The following IFTAP variants were observed in gnomAD, a reference collection of about 807,000 sequenced individuals.
The protein encoded by IFTAP is intraflagellar transport-associated protein.
IFTAP carries 19 observed loss-of-function variants against 19.4 expected under a neutral mutation model. The ratio of observed to expected loss-of-function variants is 0.98; its 90% CI spans 0.68 to 1.44. The LOEUF is 1.44. Among genes scored for constraint, IFTAP ranks in the 40% most tolerant of loss-of-function variants. The probability of loss-of-function intolerance (pLI) is 0.00; values close to 1 mark genes in which losing one functional copy is unlikely to be tolerated. For missense variants in IFTAP, 240 were observed against 253.6 expected (o/e 0.95, Z 0.36); for synonymous variants, 85 against 83.5 (o/e 1.02, Z -0.10).
intron 2 of IFTAP, among the ~76,000 whole-genome samples, chr11:36,624,078 C>T (rs1852414332): frequency 6.6e-6 from 1 of 151,878 alleles, no homozygotes; most frequent in Non-Finnish European, 1.5e-5. Flanking sequence ...AGGTATTCTC[C>T]CTAGATTGAG....
chr11:36,625,178 T>C (rs12273796), intron 2 of IFTAP, among the ~76,000 whole-genome samples: 3,888 of 152,250 alleles, frequency 0.026, 168 homozygotes, highest in African/African-American at 0.088. Flanking sequence ...TTCAGTTTTA[T>C]CATGTGTAAA....
intron 5 of IFTAP, among the ~76,000 whole-genome samples, chr11:36,653,338 A>T (rs948897167): frequency 6.6e-6 from 1 of 152,168 alleles, no homozygotes; most frequent in East Asian, 1.9e-4. Context: ...GCTACAAAAA[A>T]GTTTCAATTA....
chr11:36,652,345 T>C (rs1325769627), intron 5 of IFTAP, among the ~76,000 whole-genome samples: 1 of 152,192 alleles, frequency 6.6e-6, no homozygotes, highest in Non-Finnish European at 1.5e-5. Context: ...ATGATTTGGC[T>C]CTCTGTTTGT....
chr11:36,633,215 A>G, intron 2 of IFTAP, 69 bp from the exon 3 acceptor site: 1 of 1,307,616 alleles, frequency 7.6e-7, no homozygotes, highest in Non-Finnish European at 1.0e-6. Flanking sequence ...AAACTTTCTC[A>G]ATATACACAA....
intron 5 of IFTAP, among the ~76,000 whole-genome samples, chr11:36,649,297 TA>T (rs1853611989): frequency 6.6e-6 from 1 of 152,162 alleles, no homozygotes; most frequent in South Asian, 2.1e-4. Flanking sequence ...CGTGCAGGCT[TA>T]TATTAAACTC....
intron 4 of IFTAP, among the ~76,000 whole-genome samples, chr11:36,645,444 A>T (rs1285319949): frequency 2.6e-5 from 4 of 152,152 alleles, no homozygotes. Flanking sequence ...GATGAAAACA[A>T]AGCCTTTGAT....
At chr11:36,653,947 T>C (rs984775203) in intron 5 of IFTAP, among the ~76,000 whole-genome samples, 1 of 152,212 alleles carries the variant, frequency 6.6e-6, no homozygotes, top group African/African-American at 2.4e-5. Context: ...TTCTGTCTTT[T>C]CTATTTGTTC....
chr11:36,651,914 C>A (rs1038914486), intron 5 of IFTAP, among the ~76,000 whole-genome samples: 2 of 152,150 alleles, frequency 1.3e-5, no homozygotes, highest in Non-Finnish European at 2.9e-5. Flanking sequence ...TGGTCTATAT[C>A]TCTGGTTTGG....
chr11:36,637,773 T>C (rs1167962440), intron 4 of IFTAP, among the ~76,000 whole-genome samples: 4 of 152,124 alleles, frequency 2.6e-5, no homozygotes, highest in Non-Finnish European at 5.9e-5. Context: ...CAAAAGTACA[T>C]GTTTTGGGTG....
intron 2 of IFTAP, among the ~76,000 whole-genome samples, chr11:36,629,467 G>T (rs1430717535): frequency 6.6e-6 from 1 of 151,376 alleles, no homozygotes; most frequent in Non-Finnish European, 1.5e-5. Context: ...TGGCAGATTT[G>T]GTTGTGAATT....
chr11:36,647,568 A>G (rs1227781793), intron 4 of IFTAP, among the ~76,000 whole-genome samples: 1 of 152,142 alleles, frequency 6.6e-6, no homozygotes. Flanking sequence ...TTCTGGCATT[A>G]CTGTTTTTTA....
At chr11:36,622,350 T>C (rs1852330749) in intron 2 of IFTAP, among the ~76,000 whole-genome samples, 2 of 152,136 alleles carry the variant, frequency 1.3e-5, no homozygotes, top group Non-Finnish European at 2.9e-5. Context: ...TTAAAGAGGT[T>C]GCCTTAAGTA....
At chr11:36,638,693 A>C (rs1181194615) in intron 4 of IFTAP, among the ~76,000 whole-genome samples, 1 of 152,232 alleles carries the variant, frequency 6.6e-6, no homozygotes, top group Non-Finnish European at 1.5e-5. Context: ...AGTTGCTTGT[A>C]TAATTTTGGC....
intron 2 of IFTAP, among the ~76,000 whole-genome samples, chr11:36,618,562 A>G (rs1852180957): frequency 6.6e-6 from 1 of 151,788 alleles, no homozygotes. Flanking sequence ...AGATGCTTAA[A>G]TATTGGTTGA....
intron 2 of IFTAP, among the ~76,000 whole-genome samples, chr11:36,617,731 CTTATT>C (rs1261047484): frequency 6.6e-6 from 1 of 151,928 alleles, no homozygotes; most frequent in Non-Finnish European, 1.5e-5. Context: ...TCTCGAGTAA[CTTATT>C]TAATTGCCAC....
intron 4 of IFTAP, among the ~76,000 whole-genome samples, chr11:36,647,616 T>C (rs1275797330): frequency 6.6e-6 from 1 of 152,178 alleles, no homozygotes; most frequent in African/African-American, 2.4e-5. Context: ...TGTTACAGGA[T>C]GAAATCAGTA....
chr11:36,619,897 G>A (rs1409309440), intron 2 of IFTAP, among the ~76,000 whole-genome samples: 2 of 151,982 alleles, frequency 1.3e-5, no homozygotes, highest in African/African-American at 4.8e-5. Context: ...GAATTTAACA[G>A]TAAAGAGAAG....
intron 2 of IFTAP, among the ~76,000 whole-genome samples, chr11:36,615,131 T>C (rs1201299169): frequency 1.6e-4 from 15 of 91,332 alleles, no homozygotes; most frequent in African/African-American, 7.6e-4. Flanking sequence ...TTCAGCTTTC[T>C]ACATATGGCT....
intron 1 of IFTAP, among the ~76,000 whole-genome samples, chr11:36,604,613 G>A (rs1851626717): frequency 6.6e-6 from 1 of 152,086 alleles, no homozygotes; most frequent in African/African-American, 2.4e-5. Context: ...TTGGGGTATG[G>A]AACATAAATG....
Sources: allele counts gnomAD v4.1 joint callset (sites outside exome capture counted in the v4.1 genomes callset), GRCh38; gene constraint gnomAD v4.1.1; transcripts MANE v1.5; gene names NCBI Gene and HGNC (gene_info 2026-07-23, HGNC 2026-07-21).